DSCAM: variants seen among roughly 807,000 people sequenced by gnomAD.
DSCAM encodes DS cell adhesion molecule, also known as cell adhesion molecule DSCAM.
Under a neutral mutation model 217.7 loss-of-function variants are expected in DSCAM, and 47 were observed. The observed-to-expected ratio is 0.22, with a 90% CI of 0.17 to 0.28. DSCAM has a LOEUF of 0.28. Among genes scored for constraint, DSCAM ranks in the 10% least tolerant of loss-of-function variants. The probability of loss-of-function intolerance (pLI) is 1.00; values close to 1 mark genes in which losing one functional copy is unlikely to be tolerated. For synonymous variants in DSCAM, 1,056 were observed against 1,015.3 expected, an observed-to-expected ratio of 1.04 and a Z score of -0.76; for missense variants, 2,080 against 2,618.3, an observed-to-expected ratio of 0.79 and a Z score of 4.49.
intron 3 of DSCAM, among the ~76,000 whole-genome samples, chr21:40,648,429 G>T (rs2089975630): frequency 6.6e-6 from 1 of 152,056 alleles, no homozygotes; most frequent in Non-Finnish European, 1.5e-5. Context: ...GATAGTGGCA[G>T]GAGACAGACA....
Position 40,390,088 on chromosome 21 carries a change from G to A in DSCAM, c.509-20843C>T, listed in dbSNP as rs575886077. ...GGGGAGCTGCACGCATGGACAGGGT[G>A]GGGCAAGGGAGAGGCTGGAGCTGTC... On this transcript the variant is annotated intron_variant, in intron 3 of 32. Transcript: ENST00000400454. Among the ~76,000 whole-genome samples, 8 of 152,294 alleles carry A rather than the reference G, an allele frequency of 5.3e-5. No homozygotes were observed. The South Asian group carries it at 1.7e-3, about 32-fold the overall frequency.
chr21:40,167,173 C>T (rs577234936), intron 16 of DSCAM, 45 bp downstream of exon 16: 1 of 1,584,796 alleles, frequency 6.3e-7, no homozygotes, highest in Admixed American at 1.7e-5. Flanking sequence ...GAAGGGCTCG[C>T]CCTGGGGGGA....
chr21:40,141,301 A>C (rs1277666751), intron 18 of DSCAM, among the ~76,000 whole-genome samples: 1 of 152,182 alleles, frequency 6.6e-6, no homozygotes, highest in Non-Finnish European at 1.5e-5. Context: ...ATCAGGGATC[A>C]CACCCAGTCA....
At chr21:40,323,107 C>T (rs1159608987) in intron 8 of DSCAM, among the ~76,000 whole-genome samples, 2 of 152,150 alleles carry the variant, frequency 1.3e-5, no homozygotes, top group African/African-American at 4.8e-5. Flanking sequence ...AAACTCAGGA[C>T]AACCCTGAAG....
chr21:40,202,672 C>A (rs2091082941), intron 11 of DSCAM, among the ~76,000 whole-genome samples: 1 of 152,208 alleles, frequency 6.6e-6, no homozygotes, highest in Non-Finnish European at 1.5e-5. Context: ...GTATTTTGAT[C>A]CTTCCTTCAA....
intron 14 of DSCAM, among the ~76,000 whole-genome samples, chr21:40,182,670 A>AGGAG (rs2090831457): frequency 5.9e-5 from 1 of 17,040 alleles, no homozygotes; most frequent in African/African-American, 2.4e-4. Flanking sequence ...AACCGTGGAC[A>AGGAG]GGGGGGGGTT....
Position 40,293,827 on chromosome 21 carries a change from GA to G in DSCAM, c.2182+2227del, listed in dbSNP as rs532224810. Reference sequence around the variant, plus strand: ...GCGACAGAGCAAGACTCTGTCTCCAGAAAAAAAAAAGTCATATTAAGCACCA... The same window carrying G: ...GCGACAGAGCAAGACTCTGTCTCCAGAAAAAAAAAGTCATATTAAGCACCA... On this transcript the variant is annotated intron_variant, in intron 10 of 32. Coordinates refer to ENST00000400454, the MANE Select transcript of DSCAM (RefSeq NM_001389.5). Among the ~76,000 whole-genome samples, 346 of 147,116 alleles carry G rather than the reference GA, an allele frequency of 2.4e-3. 4 individuals are homozygous for G. Among genetic ancestry groups the G allele is most frequent in the African/African-American group, 8.2e-3 (329 of 40,160 alleles).
chr21:40,836,979 T>C (rs932750539), intron 1 of DSCAM, among the ~76,000 whole-genome samples: 6 of 152,176 alleles, frequency 3.9e-5, no homozygotes, highest in African/African-American at 1.2e-4. Flanking sequence ...TCAGGAAACT[T>C]CCATATCTCC....
chr21:40,421,120 C>G (rs544204832), intron 3 of DSCAM, among the ~76,000 whole-genome samples: 3 of 152,314 alleles, frequency 2.0e-5, no homozygotes, highest in Non-Finnish European at 2.9e-5. Context: ...ACAATTGTTT[C>G]AGCCATGAAG....
intron 32 of DSCAM, among the ~76,000 whole-genome samples, chr21:40,029,399 C>T (rs1038100619): frequency 3.3e-5 from 5 of 151,680 alleles, no homozygotes; most frequent in Non-Finnish European, 7.4e-5. Context: ...AGTTTCAGCC[C>T]CTTCCTTGGG....
intron 11 of DSCAM, among the ~76,000 whole-genome samples, chr21:40,273,748 C>T (rs894460636): frequency 2.6e-5 from 4 of 152,152 alleles, no homozygotes; most frequent in Non-Finnish European, 5.9e-5. Context: ...GATGGGGCTG[C>T]CAGCAGGGGC....
At chr21:40,553,565 A>AT (rs2076647021) in intron 3 of DSCAM, among the ~76,000 whole-genome samples, 1 of 152,190 alleles carries the variant, frequency 6.6e-6, no homozygotes, top group African/African-American at 2.4e-5. Flanking sequence ...AACAAATAAG[A>AT]TTTTTACATA....
At chr21:40,608,822 C>G (rs2089276464) in intron 3 of DSCAM, among the ~76,000 whole-genome samples, 1 of 152,092 alleles carries the variant, frequency 6.6e-6, no homozygotes, top group African/African-American at 2.4e-5. Flanking sequence ...TGAAGTGTAC[C>G]AGGGACCTCT....
chr21:40,682,585 A>AAGAGAGAGAGAAAGAGAGAG (rs1555880004), intron 3 of DSCAM, among the ~76,000 whole-genome samples: 2 of 98,320 alleles, frequency 2.0e-5, no homozygotes, highest in Admixed American at 1.3e-4. Context: ...AGAAGAGAGA[A>AAGAGAGAGAGAAAGAGAGAG]AGAGAGAGAG....
chr21:40,380,365 C>A (rs1269523610), intron 3 of DSCAM, among the ~76,000 whole-genome samples: 2 of 152,014 alleles, frequency 1.3e-5, no homozygotes. Flanking sequence ...TATTAAAGAA[C>A]CAAAGAAGCT....
chr21:40,171,570 TAAAA>T (rs1389834089), intron 15 of DSCAM, among the ~76,000 whole-genome samples: 2 of 124,104 alleles, frequency 1.6e-5, no homozygotes, highest in African/African-American at 3.0e-5. Flanking sequence ...TCCCTCCTCC[TAAAA>T]AAAAAAAAAA....
At chr21:40,822,109 G>A (rs577144307) in intron 1 of DSCAM, among the ~76,000 whole-genome samples, 11 of 151,406 alleles carry the variant, frequency 7.3e-5, no homozygotes, top group Admixed American at 3.9e-4. Flanking sequence ...ACTTGAGGTC[G>A]GGAGTTTGAG....
At chr21:40,605,134 C>G (rs958371609) in intron 3 of DSCAM, among the ~76,000 whole-genome samples, 2 of 152,148 alleles carry the variant, frequency 1.3e-5, no homozygotes, top group Non-Finnish European at 2.9e-5. Flanking sequence ...CTCAAGAAAG[C>G]TGTAGGGGCT....
chr21:40,620,669 G>A (rs1307748135), intron 3 of DSCAM, among the ~76,000 whole-genome samples: 3 of 152,236 alleles, frequency 2.0e-5, no homozygotes, highest in African/African-American at 7.2e-5. Context: ...CTCATATACT[G>A]CTAGTGAGAA....
Sources: gnomAD v4.1 joint callset for allele counts (sites outside exome capture counted in the v4.1 genomes callset) on GRCh38, gnomAD v4.1.1 for gene constraint, MANE v1.5 for transcripts, NCBI Gene and HGNC (gene_info 2026-07-23, HGNC 2026-07-21) for gene names.